KCNMA1: variants seen among roughly 807,000 people sequenced by gnomAD.
KCNMA1 encodes potassium calcium-activated channel subfamily M alpha 1.
In KCNMA1, 29 loss-of-function variants were observed where a neutral mutation model predicts 140.0. The ratio of observed to expected loss-of-function variants is 0.21; its 90% CI spans 0.15 to 0.28. The LOEUF (loss-of-function observed/expected upper bound fraction) is 0.28. KCNMA1 is among the 10% of genes least tolerant of loss of function. KCNMA1 has a pLI of 1.00. For synonymous variants in KCNMA1, 612 were observed against 611.9 expected (o/e 1.00, Z 0.00); for missense variants, 880 against 1,602.2 (o/e 0.55, Z 7.70).
intron 2 of KCNMA1, among the ~76,000 whole-genome samples, chr10:77,254,224 CT>C (rs11402076): frequency 8.0e-4 from 112 of 140,404 alleles, no homozygotes; most frequent in Middle Eastern, 7.5e-3. Flanking sequence ...GAAATATACT[CT>C]TTTTTTTTTT....
At chr10:77,329,828 C>T (rs1157052137) in intron 2 of KCNMA1, among the ~76,000 whole-genome samples, 1 of 152,196 alleles carries the variant, frequency 6.6e-6, no homozygotes, top group East Asian at 1.9e-4. Flanking sequence ...CAAATTGCTT[C>T]ACCTCTTTGT....
chr10:77,553,396 G>C (rs895103767), intron 1 of KCNMA1, among the ~76,000 whole-genome samples: 1 of 152,176 alleles, frequency 6.6e-6, no homozygotes, highest in Non-Finnish European at 1.5e-5. Context: ...CTTGGGAGCT[G>C]AGAAGGCAGG....
At chr10:77,070,364 C>T (rs982367317) in intron 14 of KCNMA1, among the ~76,000 whole-genome samples, 17 of 152,154 alleles carry the variant, frequency 1.1e-4, no homozygotes, top group Admixed American at 1.0e-3. Flanking sequence ...TGTGCTTCTG[C>T]CTGTGCCACA....
At chr10:77,347,915 T>C (rs2092400639) in intron 2 of KCNMA1, among the ~76,000 whole-genome samples, 1 of 152,216 alleles carries the variant, frequency 6.6e-6, no homozygotes, top group Non-Finnish European at 1.5e-5. Context: ...ATGCTTTTTA[T>C]TATCCCCTTT....
At chr10:77,363,371 G>A (rs1398205665) in intron 2 of KCNMA1, among the ~76,000 whole-genome samples, 1 of 152,170 alleles carries the variant, frequency 6.6e-6, no homozygotes, top group Non-Finnish European at 1.5e-5. Context: ...CACTGAGGCT[G>A]CAGCACACAG....
chr10:77,294,170 T>C (rs2074243270), intron 2 of KCNMA1, among the ~76,000 whole-genome samples: 1 of 152,228 alleles, frequency 6.6e-6, no homozygotes, highest in South Asian at 2.1e-4. Flanking sequence ...ACAGAATAGC[T>C]TGGAATATGA....
chr10:77,603,295 C>T (rs896727846), intron 1 of KCNMA1, among the ~76,000 whole-genome samples: 6 of 151,768 alleles, frequency 4.0e-5, no homozygotes, highest in Non-Finnish European at 7.4e-5. Flanking sequence ...TTCCTTCGGT[C>T]CCCCCCACCC....
chr10:77,073,384 G>T, intron 13 of KCNMA1, 132 bp from the exon 14 acceptor site: 1 of 899,588 alleles, frequency 1.1e-6, no homozygotes. Context: ...CCTTGCTGCG[G>T]TCTGATGTTT....
At chr10:77,383,295 C>G (rs186977784) in intron 2 of KCNMA1, among the ~76,000 whole-genome samples, 1 of 151,698 alleles carries the variant, frequency 6.6e-6, no homozygotes, top group African/African-American at 2.4e-5. Context: ...GGCTTAGGAC[C>G]GACCTGTGAC....
intron 23 of KCNMA1, among the ~76,000 whole-genome samples, chr10:76,944,146 T>C (rs1042328101): frequency 6.6e-6 from 1 of 152,220 alleles, no homozygotes; most frequent in Non-Finnish European, 1.5e-5. Flanking sequence ...TAGACATCTT[T>C]ACTTGTAACC....
At chr10:77,110,082 T>C (rs1463401329) in intron 8 of KCNMA1, 91 bp downstream of exon 8, 3 of 1,135,694 alleles carry the variant, frequency 2.6e-6, no homozygotes. Context: ...TAGTGCAGAA[T>C]ACAGTCTAAA....
At chr10:77,468,984 C>G (rs2098093736) in intron 1 of KCNMA1, among the ~76,000 whole-genome samples, 1 of 152,164 alleles carries the variant, frequency 6.6e-6, no homozygotes, top group African/African-American at 2.4e-5. Context: ...ACAGTAAATT[C>G]TGCAGACAAG....
In KCNMA1 at chr10:76,909,984, C is replaced by T. The variant is rs751861895; in HGVS notation, c.3129G>A (p.Leu1043=). The T allele has an allele frequency of 1.4e-5, 22 of 1,613,724 alleles. No homozygotes were observed. Among genetic ancestry groups the T allele is most frequent in the Non-Finnish European group, 1.8e-5 (21 of 1,179,934 alleles). ...AACTCACCGCGCTCATGAGTGAGTC[C>T]AGGACACTGACGGCAAATGCTGTCC... The part of the protein sequence containing the change: ...ACGTAFAVSV[L]DSLMSATYFN... The change falls in exon 25 of 28, where the codon CTG becomes CTA. Residue 1043 remains leucine (L), a synonymous_variant. Coordinates refer to ENST00000286628, the MANE Select transcript of KCNMA1 (RefSeq NM_001161352.2).
intron 2 of KCNMA1, among the ~76,000 whole-genome samples, chr10:77,267,388 C>T (rs2063736893): frequency 6.6e-6 from 1 of 152,140 alleles, no homozygotes; most frequent in South Asian, 2.1e-4. Context: ...AGAGGCAGAG[C>T]TTAGTCTCAA....
intron 1 of KCNMA1, among the ~76,000 whole-genome samples, chr10:77,561,058 C>CT (rs3997896): frequency 0.88 from 131,939 of 149,592 alleles, 58,472 homozygotes; most frequent in South Asian, 0.96. Context: ...TATGGAAACA[C>CT]TTTTTTTTTT....
Position 77,164,550 on chromosome 10 carries a change from G to A in KCNMA1, c.808+18871C>T, listed in dbSNP as rs2098612113. Among the ~76,000 whole-genome samples, 3 of 150,522 alleles carry A rather than the reference G, an allele frequency of 2.0e-5. No individual in the cohort carries two copies. In the South Asian group the frequency reaches 6.3e-4, roughly 32 times the overall value. The stretch of plus-strand genomic sequence containing the variant: ...TTTTTTTTTTGGAATCCTGAAACAT[G>A]ATCTTTAAGAAAAGACAACTGGACT... On this transcript the variant is annotated intron_variant, in intron 5 of 27. Coordinates refer to ENST00000286628, the MANE Select transcript of KCNMA1 (RefSeq NM_001161352.2).
intron 2 of KCNMA1, among the ~76,000 whole-genome samples, chr10:77,253,612 A>G (rs2060110967): frequency 1.3e-5 from 2 of 152,174 alleles, no homozygotes; most frequent in Non-Finnish European, 2.9e-5. Context: ...CTCAAATATC[A>G]GCATCTCTCT....
At chr10:77,624,596 T>C (rs1188334920) in intron 1 of KCNMA1, among the ~76,000 whole-genome samples, 1 of 152,114 alleles carries the variant, frequency 6.6e-6, no homozygotes, top group Non-Finnish European at 1.5e-5. Context: ...TAATCTTTGG[T>C]TCTTTATCAG....
chr10:77,279,213 C>T (rs777919882), intron 2 of KCNMA1, among the ~76,000 whole-genome samples: 1 of 152,148 alleles, frequency 6.6e-6, no homozygotes, highest in South Asian at 2.1e-4. Flanking sequence ...ATTCCATCAA[C>T]TATTTACTTA....
Sources: gnomAD v4.1 joint callset for allele counts (sites outside exome capture counted in the v4.1 genomes callset) on GRCh38, gnomAD v4.1.1 for gene constraint, MANE v1.5 for transcripts, NCBI Gene and HGNC (gene_info 2026-07-23, HGNC 2026-07-21) for gene names.